The following KLRG1 variants were observed in gnomAD, a reference collection of about 807,000 sequenced individuals.
KLRG1 encodes killer cell lectin like receptor G1.
Under a neutral mutation model 21.8 loss-of-function variants are expected in KLRG1, and 16 were observed. The observed-to-expected ratio is 0.73, with a 90% confidence interval of 0.50 to 1.11. The LOEUF (loss-of-function observed/expected upper bound fraction) is 1.11, where lower values mean the gene tolerates loss of function less well. Among genes scored for constraint, KLRG1 ranks in the 50% most tolerant of loss-of-function variants. KLRG1 has a pLI of 0.00. For synonymous variants in KLRG1, 69 were observed against 75.9 expected, an observed-to-expected ratio of 0.91 and a Z score of 0.47; for missense variants, 173 against 218.3, an observed-to-expected ratio of 0.79 and a Z score of 1.31.
chr12:9,101,713 C>T, the KLRG1 span: 36 of 1,454,000 alleles, frequency 2.5e-5, no homozygotes, highest in Admixed American at 1.5e-4. Context: ...TTAGATTATA[C>T]GTCATAAAGA....
the KLRG1 span, among the ~76,000 whole-genome samples, chr12:9,030,455 T>C: frequency 3.3e-5 from 5 of 152,124 alleles, no homozygotes; most frequent in African/African-American, 1.2e-4. Context: ...TGCCCGGGCT[T>C]GAGTGCAATG....
chr12:9,106,591 G>A, the KLRG1 span: 2 of 1,572,958 alleles, frequency 1.3e-6, no homozygotes, highest in African/African-American at 1.3e-5. Context: ...GATAGAAGCA[G>A]CCATGGCTGT....
intron 1 of KLRG1, among the ~76,000 whole-genome samples, chr12:8,964,755 T>C (rs1946438191): frequency 6.6e-6 from 1 of 150,914 alleles, no homozygotes; most frequent in Admixed American, 6.6e-5. Flanking sequence ...GATAGTTAGC[T>C]CTTCTTGTTG....
chr12:9,016,550 G>A, the KLRG1 span, among the ~76,000 whole-genome samples: 7 of 152,202 alleles, frequency 4.6e-5, no homozygotes, highest in East Asian at 7.7e-4. Flanking sequence ...GGACCCAGTG[G>A]CTTCACTGCT....
At chr12:9,105,683 C>T in the KLRG1 span, among the ~76,000 whole-genome samples, 224 of 152,132 alleles carry the variant, frequency 1.5e-3, 1 homozygote, top group African/African-American at 5.2e-3. Flanking sequence ...AATCTGAGAA[C>T]CTTAAATAGC....
At chr12:8,961,212 A>G (rs908750669) in intron 1 of KLRG1, among the ~76,000 whole-genome samples, 2 of 152,152 alleles carry the variant, frequency 1.3e-5, no homozygotes, top group African/African-American at 2.4e-5. Flanking sequence ...TACACTGTAA[A>G]TAGTAATGTC....
the KLRG1 span, among the ~76,000 whole-genome samples, chr12:9,151,939 C>T: frequency 6.6e-6 from 1 of 152,072 alleles, no homozygotes; most frequent in African/African-American, 2.4e-5. Flanking sequence ...AAACCATATC[C>T]TATCTTTCTT....
At chr12:9,128,477 G>A in the KLRG1 span, 1 of 152,554 alleles carries the variant, frequency 6.6e-6, no homozygotes, top group South Asian at 2.0e-4. Flanking sequence ...CTGCGTTGAG[G>A]CCCAGCTGGT....
At chr12:9,129,143 G>A in the KLRG1 span, among the ~76,000 whole-genome samples, 1 of 152,048 alleles carries the variant, frequency 6.6e-6, no homozygotes, top group African/African-American at 2.4e-5. Flanking sequence ...GGCACATCGG[G>A]CATATCCTAG....
At chr12:9,194,646 A>C in the KLRG1 span, among the ~76,000 whole-genome samples, 2 of 151,970 alleles carry the variant, frequency 1.3e-5, no homozygotes, top group East Asian at 3.9e-4. Context: ...TTGTATTTTT[A>C]GTAGAGACGG....
chr12:9,049,876 A>G, the KLRG1 span, among the ~76,000 whole-genome samples: 1 of 152,298 alleles, frequency 6.6e-6, no homozygotes, highest in African/African-American at 2.4e-5. Flanking sequence ...AATCTGATAT[A>G]TGCTATACGT....
chr12:9,205,919 C>A, the KLRG1 span, among the ~76,000 whole-genome samples: 1 of 152,126 alleles, frequency 6.6e-6, no homozygotes, highest in Non-Finnish European at 1.5e-5. Flanking sequence ...TCCAGCACAC[C>A]AGTCTTGCTA....
the KLRG1 span, among the ~76,000 whole-genome samples, chr12:9,050,255 T>A: frequency 1.3e-5 from 2 of 152,172 alleles, no homozygotes; most frequent in Non-Finnish European, 2.9e-5. Context: ...AAATTTTCCA[T>A]GAGAAATAAG....
At chr12:9,109,996 G>T in the KLRG1 span, 17 of 1,613,544 alleles carry the variant, frequency 1.1e-5, no homozygotes, top group Admixed American at 1.7e-5. Flanking sequence ...CCCTCTAACT[G>T]GAAACTCTGC....
the KLRG1 span, among the ~76,000 whole-genome samples, chr12:9,172,477 A>G: frequency 0.083 from 12,620 of 152,218 alleles, 721 homozygotes; most frequent in African/African-American, 0.16. Context: ...TAATTCACCC[A>G]TAAAAATACT....
chr12:9,071,604 C>T, the KLRG1 span, among the ~76,000 whole-genome samples: 1 of 152,048 alleles, frequency 6.6e-6, no homozygotes. Flanking sequence ...ATCCTTAACC[C>T]TCAAGTAGGC....
At chr12:9,203,303 AT>A in the KLRG1 span, among the ~76,000 whole-genome samples, 1 of 134,932 alleles carries the variant, frequency 7.4e-6, no homozygotes, top group Non-Finnish European at 1.6e-5. Flanking sequence ...AAAACTCACT[AT>A]TTTTAGTCCT....
At chr12:8,969,388 C>A (rs757465141) in intron 1 of KLRG1, among the ~76,000 whole-genome samples, 1 of 152,096 alleles carries the variant, frequency 6.6e-6, no homozygotes, top group Non-Finnish European at 1.5e-5. Flanking sequence ...TGCAGTCAGC[C>A]GTTCTTGGGA....
At chr12:9,181,229 A>C in the KLRG1 span, 5 of 1,462,420 alleles carry the variant, frequency 3.4e-6, no homozygotes, top group Admixed American at 4.2e-5. Context: ...TTCAGTTCAT[A>C]TGACTATGTT....
Sources: gnomAD v4.1 joint callset for allele counts (sites outside exome capture counted in the v4.1 genomes callset) on GRCh38, gnomAD v4.1.1 for gene constraint, MANE v1.5 for transcripts, NCBI Gene and HGNC (gene_info 2026-07-23, HGNC 2026-07-21) for gene names.